Variants in EYS observed in about 807,000 individuals in gnomAD.
EYS encodes the protein EGF-like photoreceptor maintenance factor, also known as protein eyes shut homolog.
Under a neutral mutation model 282.1 loss-of-function variants are expected in EYS, and 250 were observed. The ratio of observed to expected loss-of-function variants is 0.89; its 90% confidence interval spans 0.80 to 0.98. The LOEUF (loss-of-function observed/expected upper bound fraction) is 0.98. EYS is among the 50% of genes least tolerant of loss of function. The pLI, the probability that EYS is intolerant of heterozygous loss-of-function variation, is 0.00. For missense variants in EYS, 4,016 were observed against 3,709.0 expected (o/e 1.08, Z -2.15); for synonymous variants, 1,355 against 1,282.9 (o/e 1.06, Z -1.20).
chr6:65,640,473 G>T (rs1272859012), intron 1 of EYS, among the ~76,000 whole-genome samples: 1 of 151,944 alleles, frequency 6.6e-6, no homozygotes, highest in African/African-American at 2.4e-5. Context: ...CGTGAAATAT[G>T]TATATGTCTT....
At chr6:65,189,491 T>C (rs1396432269) in intron 12 of EYS, among the ~76,000 whole-genome samples, 1 of 151,748 alleles carries the variant, frequency 6.6e-6, no homozygotes, top group Non-Finnish European at 1.5e-5. Context: ...GCAGGAGCAG[T>C]TTAATGTTAG....
chr6:64,692,700 C>A (rs1770431508), intron 22 of EYS, among the ~76,000 whole-genome samples: 1 of 152,112 alleles, frequency 6.6e-6, no homozygotes, highest in African/African-American at 2.4e-5. Flanking sequence ...CTTCAGCCTA[C>A]TACATATGGC....
intron 1 of EYS, among the ~76,000 whole-genome samples, chr6:65,677,623 A>G (rs1322032510): frequency 6.6e-6 from 1 of 152,012 alleles, no homozygotes; most frequent in East Asian, 1.9e-4. Flanking sequence ...AAATGTCATT[A>G]CCACCCAAAG....
chr6:65,586,089 T>C (rs1427455973), intron 2 of EYS, among the ~76,000 whole-genome samples: 1 of 151,970 alleles, frequency 6.6e-6, no homozygotes, highest in Non-Finnish European at 1.5e-5. Context: ...ATTCTACAGT[T>C]TCTTTATGGT....
At chr6:64,381,290 C>T (rs914022403) in intron 29 of EYS, among the ~76,000 whole-genome samples, 1 of 152,022 alleles carries the variant, frequency 6.6e-6, no homozygotes. Context: ...ATCTCTTCTC[C>T]GTTCTTACGT....
chr6:64,158,827 G>A (rs549304157), intron 31 of EYS, among the ~76,000 whole-genome samples: 41 of 152,220 alleles, frequency 2.7e-4, no homozygotes, highest in Non-Finnish European at 4.6e-4. Flanking sequence ...GCTATGTTTT[G>A]CACTATAGTA....
intron 6 of EYS, among the ~76,000 whole-genome samples, chr6:65,403,619 ACATGTACAATT>A (rs1766601916): frequency 6.6e-6 from 1 of 152,034 alleles, no homozygotes; most frequent in Non-Finnish European, 1.5e-5. Context: ...ACAAATGATA[ACATGTACAATT>A]TTCCAAGTAA....
chr6:65,170,247 G>C lies in EYS; in HGVS notation c.2024-112520C>G, dbSNP rs115043657. ...GTGCACGCACACACACACACACACAGAGAGAGGAGAGAAAGAAAGAACCCA... is the reference window on the plus strand; with the variant it reads ...GTGCACGCACACACACACACACACACAGAGAGGAGAGAAAGAAAGAACCCA... On this transcript the variant is annotated intron_variant, in intron 12 of 42. Coordinates refer to ENST00000503581, the MANE Select transcript of EYS (RefSeq NM_001142800.2). Among the ~76,000 whole-genome samples the C allele has an allele frequency of 2.5e-3, 377 of 150,502 alleles. 3 individuals carry two copies. The highest frequency in any genetic ancestry group is 0.012 in the South Asian group (59 of 4,798).
intron 36 of EYS, among the ~76,000 whole-genome samples, chr6:63,824,220 C>A (rs922655150): frequency 6.6e-6 from 1 of 152,092 alleles, no homozygotes; most frequent in Non-Finnish European, 1.5e-5. Flanking sequence ...GAAATACTTT[C>A]AAATAGGAAA....
chr6:64,003,552 C>A (rs1344913732), intron 33 of EYS, among the ~76,000 whole-genome samples: 1 of 152,036 alleles, frequency 6.6e-6, no homozygotes, highest in African/African-American at 2.4e-5. Context: ...ATCCCATATA[C>A]CCCATAAATA....
chr6:65,104,216 T>C (rs1258972377), intron 12 of EYS, among the ~76,000 whole-genome samples: 2 of 151,506 alleles, frequency 1.3e-5, no homozygotes, highest in African/African-American at 4.8e-5. Context: ...GCAAAAATAG[T>C]TAACGATTCT....
Position 64,945,847 on chromosome 6 carries a change from T to C in EYS, c.2327A>G (p.Lys776Arg), listed in dbSNP as rs1199367038. Reference sequence around the variant, plus strand: ...GGAATTGTTCTTGCAAGGATTCATTTTACACTCATTGGATTCTTGTTCACA... The same window carrying C: ...GGAATTGTTCTTGCAAGGATTCATTCTACACTCATTGGATTCTTGTTCACA... ...NFCEQESNECKMNPCKNNSTC... is the reference protein window; with the variant it reads ...NFCEQESNECRMNPCKNNSTC... Residue 776 changes from lysine to arginine, a missense_variant, in exon 15 of 43, where the codon AAA (lysine) becomes AGA (arginine). Coordinates refer to ENST00000503581, the MANE Select transcript of EYS (RefSeq NM_001142800.2). 6.5e-7 allele frequency: 1 copy of C among 1,549,630 alleles called. No individual in the cohort carries two copies. Among genetic ancestry groups the C allele is most frequent in the Non-Finnish European group, 8.7e-7 (1 of 1,145,662 alleles).
chr6:64,444,829 T>A (rs1775067306), intron 26 of EYS, among the ~76,000 whole-genome samples: 1 of 152,204 alleles, frequency 6.6e-6, no homozygotes, highest in Non-Finnish European at 1.5e-5. Flanking sequence ...GTTCACATGA[T>A]ATATGGCTGT....
At chr6:63,825,692 G>C (rs1245013300) in intron 36 of EYS, among the ~76,000 whole-genome samples, 1 of 152,196 alleles carries the variant, frequency 6.6e-6, no homozygotes, top group Non-Finnish European at 1.5e-5. Context: ...ACAGGATAAA[G>C]GGAGAGTACT....
intron 22 of EYS, among the ~76,000 whole-genome samples, chr6:64,659,763 A>T (rs1366142041): frequency 6.6e-6 from 1 of 152,106 alleles, no homozygotes. Flanking sequence ...CAACCAAAAA[A>T]AGTGCAGGAC....
chr6:63,957,059 T>C (rs1332318030), intron 35 of EYS, among the ~76,000 whole-genome samples: 3 of 152,216 alleles, frequency 2.0e-5, no homozygotes, highest in African/African-American at 7.2e-5. Flanking sequence ...ATGTACTATA[T>C]TGATGATCAA....
intron 19 of EYS, among the ~76,000 whole-genome samples, chr6:64,853,021 TA>T (rs1765934146): frequency 3.3e-5 from 5 of 152,286 alleles, no homozygotes; most frequent in Admixed American, 3.3e-4. Context: ...TAAATGAGAA[TA>T]TTTTTGTTTC....
At position 65,333,046 on chromosome 6, in the gene EYS, ATTGT is replaced by A. The variant is rs1004583373; in HGVS notation, c.1766+1930_1766+1933del. Among the ~76,000 whole-genome samples, 85 of 150,720 alleles carry A rather than the reference ATTGT, an allele frequency of 5.6e-4. 1 individual carries two copies. The highest frequency in any genetic ancestry group is 1.9e-3 in the African/African-American group (78 of 41,256). ...GAAATTTTGTTTTTTGATATTCTTT[ATTGT>A]TTATCTATATTTTATTTTATTAATT... On this transcript the variant is annotated intron_variant, in intron 11 of 42. Coordinates refer to ENST00000503581, the MANE Select transcript of EYS (RefSeq NM_001142800.2).
At chr6:64,297,550 G>A (rs1040560681) in intron 30 of EYS, among the ~76,000 whole-genome samples, 2 of 152,072 alleles carry the variant, frequency 1.3e-5, no homozygotes, top group Non-Finnish European at 2.9e-5. Context: ...TCACATACAA[G>A]GATCCCAATA....
Sources: allele counts gnomAD v4.1 joint callset (sites outside exome capture counted in the v4.1 genomes callset), GRCh38; gene constraint gnomAD v4.1.1; transcripts MANE v1.5; gene names NCBI Gene and HGNC (gene_info 2026-07-23, HGNC 2026-07-21).